The following LINGO2 variants were observed in gnomAD, a reference collection of about 807,000 sequenced individuals.
LINGO2 encodes the protein leucine rich repeat and Ig domain containing 2, also known as leucine-rich repeat and immunoglobulin-like domain-containing nogo receptor-interacting protein 2.
A neutral mutation model predicts 30.6 loss-of-function variants in LINGO2; 14 were observed. That is an observed-to-expected ratio of 0.46 (90% CI 0.30 to 0.72). LINGO2 has a LOEUF of 0.72. Ranked by LOEUF, LINGO2 falls within the 30% of genes least tolerant of loss-of-function variation. The pLI, the probability that LINGO2 is intolerant of heterozygous loss-of-function variation, is 0.07. For missense variants in LINGO2, 729 were observed against 751.7 expected, an observed-to-expected ratio of 0.97 and a Z score of 0.35; for synonymous variants, 317 against 288.5, an observed-to-expected ratio of 1.10 and a Z score of -1.00.
chr9:28,018,868 T>C (rs1382214286), intron 4 of LINGO2, among the ~76,000 whole-genome samples: 1 of 152,158 alleles, frequency 6.6e-6, no homozygotes, highest in Non-Finnish European at 1.5e-5. Flanking sequence ...CAAATTACTA[T>C]ATACAGATAC....
intron 3 of LINGO2, among the ~76,000 whole-genome samples, chr9:28,369,149 TG>T (rs1820801211): frequency 6.6e-6 from 1 of 152,174 alleles, no homozygotes; most frequent in Admixed American, 6.5e-5. Flanking sequence ...TGGGCATTTC[TG>T]GGGATCAGCA....
intron 2 of LINGO2, among the ~76,000 whole-genome samples, chr9:28,451,416 T>C (rs1388887086): frequency 6.6e-6 from 1 of 151,786 alleles, no homozygotes; most frequent in Non-Finnish European, 1.5e-5. Flanking sequence ...TGCAAACAGG[T>C]TCGATAAAGC....
chr9:28,954,499 AG>A, the LINGO2 span, among the ~76,000 whole-genome samples: 1 of 152,164 alleles, frequency 6.6e-6, no homozygotes, highest in African/African-American at 2.4e-5. Flanking sequence ...TTTACTTTAA[AG>A]AAATGATGGT....
chr9:28,366,640 C>T (rs1004317190), intron 3 of LINGO2, among the ~76,000 whole-genome samples: 9 of 145,582 alleles, frequency 6.2e-5, no homozygotes, highest in African/African-American at 2.6e-5. Flanking sequence ...TGAGGAAAAG[C>T]AAAAGAAAAT....
At chr9:28,681,212 C>G in the LINGO2 span, among the ~76,000 whole-genome samples, 3,649 of 151,984 alleles carry the variant, frequency 0.024, 149 homozygotes, top group African/African-American at 0.081. Context: ...GTACCCTGGA[C>G]TAACTTAGTT....
At chr9:28,347,418 C>T (rs1819630297) in intron 3 of LINGO2, among the ~76,000 whole-genome samples, 1 of 74,814 alleles carries the variant, frequency 1.3e-5, no homozygotes, top group African/African-American at 5.4e-5. Flanking sequence ...TTGAAGTTGA[C>T]CTGGCAGAGA....
At chr9:28,597,538 A>T (rs942106654) in intron 1 of LINGO2, among the ~76,000 whole-genome samples, 20 of 152,192 alleles carry the variant, frequency 1.3e-4, no homozygotes, top group Non-Finnish European at 1.5e-4. Context: ...TAGTAACAGT[A>T]TTTTAAAAGT....
intron 3 of LINGO2, among the ~76,000 whole-genome samples, chr9:28,306,273 A>G (rs1351313142): frequency 1.3e-5 from 2 of 152,236 alleles, no homozygotes; most frequent in Non-Finnish European, 2.9e-5. Context: ...ATTTGTTGAA[A>G]TGAAGAAGGT....
chr9:28,332,757 A>G lies in LINGO2; in HGVS notation c.-245-37391T>C, dbSNP rs979512061. 6.2e-4 allele frequency among the ~76,000 whole-genome samples: 95 copies of G among 152,148 alleles called. 2 individuals are homozygous for G. Among genetic ancestry groups the G allele is most frequent in the Non-Finnish European group, 8.8e-5 (6 of 68,036 alleles). On this transcript the variant is annotated intron_variant, in intron 3 of 5. Coordinates refer to ENST00000379992, the Ensembl canonical transcript of LINGO2. Reference sequence around the variant, plus strand: ...AACCTTATTTAGTCATAAGAATTCAACGCATGCCTGGAGGAATTCATAAAT... The same window carrying G: ...AACCTTATTTAGTCATAAGAATTCAGCGCATGCCTGGAGGAATTCATAAAT...
the LINGO2 span, among the ~76,000 whole-genome samples, chr9:29,109,438 C>A: frequency 5.3e-5 from 8 of 152,068 alleles, no homozygotes; most frequent in African/African-American, 1.7e-4. Context: ...TATAAAACTT[C>A]ACCCAAACTG....
chr9:28,003,668 A>G (rs187701118), intron 5 of LINGO2, among the ~76,000 whole-genome samples: 46 of 152,246 alleles, frequency 3.0e-4, no homozygotes, highest in Admixed American at 1.2e-3. Flanking sequence ...TCACCATGTT[A>G]GCCAGGATGG....
intron 5 of LINGO2, among the ~76,000 whole-genome samples, chr9:28,009,451 A>G (rs1449714501): frequency 6.6e-6 from 1 of 152,088 alleles, no homozygotes; most frequent in Non-Finnish European, 1.5e-5. Context: ...AGAATGCAAT[A>G]AAACATTTGT....
At chr9:28,765,263 A>G in the LINGO2 span, among the ~76,000 whole-genome samples, 1 of 152,116 alleles carries the variant, frequency 6.6e-6, no homozygotes, top group Non-Finnish European at 1.5e-5. Flanking sequence ...TTACAAAGCT[A>G]TTAGAATAAA....
the LINGO2 span, among the ~76,000 whole-genome samples, chr9:28,739,380 AACACAAGAACAAC>A: frequency 6.6e-6 from 1 of 152,006 alleles, no homozygotes; most frequent in South Asian, 2.1e-4. Flanking sequence ...GTCTAATGGA[AACACAAGAACAAC>A]AGCCAAAAAG....
At chr9:27,946,342 G>T (rs1823364246), downstream of LINGO2, among the ~76,000 whole-genome samples, 1 of 152,088 alleles carries the variant, frequency 6.6e-6, no homozygotes, top group African/African-American at 2.4e-5. Flanking sequence ...TTATTCCATA[G>T]ATCAGAGTAT....
At chr9:28,948,990 G>A in the LINGO2 span, among the ~76,000 whole-genome samples, 8 of 151,592 alleles carry the variant, frequency 5.3e-5, no homozygotes, top group African/African-American at 9.7e-5. Flanking sequence ...TCCTCTTATC[G>A]GTTCACTTCA....
chr9:28,134,996 A>G (rs756512085), intron 4 of LINGO2, among the ~76,000 whole-genome samples: 3 of 152,246 alleles, frequency 2.0e-5, no homozygotes, highest in Admixed American at 6.5e-5. Context: ...AGAAGGCTGC[A>G]TAGGCCCACA....
the LINGO2 span, among the ~76,000 whole-genome samples, chr9:28,917,413 CAA>C: frequency 1.4e-4 from 21 of 148,524 alleles, no homozygotes; most frequent in African/African-American, 2.5e-4. Flanking sequence ...AAACAAAACT[CAA>C]AAAAAAAAAA....
the LINGO2 span, among the ~76,000 whole-genome samples, chr9:29,029,612 G>A: frequency 6.6e-6 from 1 of 152,074 alleles, no homozygotes; most frequent in Admixed American, 6.6e-5. Flanking sequence ...TTTACATAAA[G>A]ACTGTAAACC....
Sources: gnomAD v4.1 joint callset for allele counts (sites outside exome capture counted in the v4.1 genomes callset) on GRCh38, gnomAD v4.1.1 for gene constraint, MANE v1.5 for transcripts, NCBI Gene and HGNC (gene_info 2026-07-23, HGNC 2026-07-21) for gene names.